Variants in NBAS observed in about 807,000 individuals in gnomAD.
NBAS encodes NAG/BC035112 fusion.
A neutral mutation model predicts 302.5 loss-of-function variants in NBAS; 219 were observed. The observed-to-expected ratio is 0.72, with a 90% CI of 0.65 to 0.81. The LOEUF is 0.81. NBAS is among the 30% of genes least tolerant of loss of function. The pLI, the probability that NBAS is intolerant of heterozygous loss-of-function variation, is 0.00. For missense variants in NBAS, 2,932 were observed against 2,841.6 expected (o/e 1.03, Z -0.72); for synonymous variants, 1,118 against 1,021.6 (o/e 1.09, Z -1.80).
At chr2:14,786,571 T>C in the NBAS span, among the ~76,000 whole-genome samples, 11,449 of 151,958 alleles carry the variant, frequency 0.075, 514 homozygotes, top group African/African-American at 0.13. Context: ...GCCTTCATTT[T>C]GTTATGTACC....
chr2:15,462,074 A>G (rs907957232), intron 19 of NBAS, among the ~76,000 whole-genome samples: 7 of 152,252 alleles, frequency 4.6e-5, no homozygotes, highest in Non-Finnish European at 1.5e-5. Context: ...ACCACCAGGT[A>G]AAAATAAGCA....
chr2:14,783,078 C>A, the NBAS span, among the ~76,000 whole-genome samples: 1 of 152,002 alleles, frequency 6.6e-6, no homozygotes, highest in Admixed American at 6.6e-5. Flanking sequence ...ACCTATATAA[C>A]AAACCTGCAC....
intron 38 of NBAS, among the ~76,000 whole-genome samples, chr2:15,317,206 C>A (rs558814085): frequency 6.6e-6 from 1 of 152,248 alleles, no homozygotes; most frequent in African/African-American, 2.4e-5. Context: ...GCATCAACAT[C>A]AACAAAAAGG....
the NBAS span, among the ~76,000 whole-genome samples, chr2:15,120,502 T>G: frequency 6.7e-5 from 10 of 149,140 alleles, no homozygotes; most frequent in African/African-American, 2.6e-4. Context: ...TGCTTTATTC[T>G]CATCTTTTCA....
chr2:15,077,690 CT>C, the NBAS span, among the ~76,000 whole-genome samples: 403 of 134,820 alleles, frequency 3.0e-3, 1 homozygote, highest in Middle Eastern at 0.023. Flanking sequence ...CTTTTTTTTT[CT>C]TTTTTTTTTT....
intron 14 of NBAS, among the ~76,000 whole-genome samples, chr2:15,475,473 T>C (rs981737170): frequency 1.3e-5 from 2 of 152,198 alleles, no homozygotes; most frequent in African/African-American, 2.4e-5. Flanking sequence ...AAATACTTTA[T>C]ACAGAGCAAA....
At chr2:15,529,631 A>G (rs1286010944) in intron 9 of NBAS, among the ~76,000 whole-genome samples, 1 of 152,206 alleles carries the variant, frequency 6.6e-6, no homozygotes, top group Admixed American at 6.5e-5. Flanking sequence ...CTCAACAGAA[A>G]TCAAACTAGC....
At chr2:15,099,467 G>C in the NBAS span, among the ~76,000 whole-genome samples, 1 of 151,972 alleles carries the variant, frequency 6.6e-6, no homozygotes, top group Non-Finnish European at 1.5e-5. Context: ...GGACCAGTGG[G>C]AGCACAGAGG....
the NBAS span, among the ~76,000 whole-genome samples, chr2:14,837,667 T>A: frequency 6.6e-6 from 1 of 151,800 alleles, no homozygotes; most frequent in Non-Finnish European, 1.5e-5. Flanking sequence ...CTTAACTCCA[T>A]TGAAATCTAC....
rs57852145 is a variant in NBAS, at chr2:15,474,549, T to TTTC, written c.1342-228_1342-226dup. Among the ~76,000 whole-genome samples, 80,665 of 147,678 alleles carry TTTC rather than the reference T, an allele frequency of 0.55. 22,972 individuals are homozygous for TTTC. The highest frequency in any genetic ancestry group is 0.63 in the Non-Finnish European group (42,337 of 66,758). On this transcript the variant is annotated intron_variant, in intron 14 of 51. Transcript: ENST00000281513. Reference sequence around the variant, plus strand: ...TCAAATCTAAACTAAAGCCTGTTTTTTTCTTCTTCTTCTTCTTCTTCTTCT... The same window carrying TTTC: ...TCAAATCTAAACTAAAGCCTGTTTTTTTCTTCTTCTTCTTCTTCTTCTTCTTCT...
At chr2:15,246,328 T>A (rs1302599220) in intron 44 of NBAS, among the ~76,000 whole-genome samples, 1 of 152,210 alleles carries the variant, frequency 6.6e-6, no homozygotes, top group Non-Finnish European at 1.5e-5. Context: ...TAGTTACTTG[T>A]ACATCTCCCT....
chr2:15,469,292 T>A (rs1018237789), intron 16 of NBAS, among the ~76,000 whole-genome samples: 1 of 152,202 alleles, frequency 6.6e-6, no homozygotes. Context: ...AATTGTGATG[T>A]TAGGGTGTCA....
intron 23 of NBAS, among the ~76,000 whole-genome samples, chr2:15,420,950 AT>A (rs906332609): frequency 2.1e-4 from 32 of 152,228 alleles, no homozygotes; most frequent in African/African-American, 7.7e-4. Flanking sequence ...GAAGAAATGC[AT>A]TTTCAGTTGG....
chr2:15,535,898 G>A (rs1663483702), intron 8 of NBAS, among the ~76,000 whole-genome samples: 1 of 152,150 alleles, frequency 6.6e-6, no homozygotes, highest in Admixed American at 6.6e-5. Flanking sequence ...TTAAACACTA[G>A]TTGTTCTGGG....
chr2:14,987,428 G>A, the NBAS span, among the ~76,000 whole-genome samples: 3 of 151,366 alleles, frequency 2.0e-5, no homozygotes, highest in Admixed American at 1.3e-4. Flanking sequence ...GCATTTTACC[G>A]ACATAGCCTG....
At chr2:14,879,332 T>G in the NBAS span, among the ~76,000 whole-genome samples, 1 of 152,184 alleles carries the variant, frequency 6.6e-6, no homozygotes, top group African/African-American at 2.4e-5. Context: ...CTAGAGTATA[T>G]TCTTCTCACT....
At chr2:14,805,303 G>T in the NBAS span, among the ~76,000 whole-genome samples, 2 of 152,158 alleles carry the variant, frequency 1.3e-5, no homozygotes, top group Non-Finnish European at 2.9e-5. Context: ...GCAAAGGAAT[G>T]GCAATTGGGA....
intron 31 of NBAS, among the ~76,000 whole-genome samples, chr2:15,372,473 T>C (rs1674533384): frequency 6.6e-6 from 1 of 152,192 alleles, no homozygotes; most frequent in Admixed American, 6.5e-5. Context: ...GTACACTGAC[T>C]ACAATAAAAA....
chr2:15,489,386 G>A (rs955159391), intron 11 of NBAS, among the ~76,000 whole-genome samples: 2 of 151,652 alleles, frequency 1.3e-5, no homozygotes, highest in African/African-American at 4.9e-5. Flanking sequence ...CTTAAAATTT[G>A]GGCCCAGATC....
Sources: gnomAD v4.1 joint callset for allele counts (sites outside exome capture counted in the v4.1 genomes callset) on GRCh38, gnomAD v4.1.1 for gene constraint, MANE v1.5 for transcripts, NCBI Gene and HGNC (gene_info 2026-07-23, HGNC 2026-07-21) for gene names.